SUMF1: variants seen among roughly 807,000 people sequenced by gnomAD.
SUMF1 encodes sulfatase modifying factor 1, also known as formylglycine-generating enzyme.
In SUMF1, 48 loss-of-function variants were observed where a neutral mutation model predicts 47.6. That is an observed-to-expected ratio of 1.01 (90% CI 0.80 to 1.28). SUMF1 has a LOEUF of 1.28. SUMF1 is among the 50% of genes most tolerant of loss of function. The pLI is 0.00. For synonymous variants in SUMF1, 230 were observed against 192.1 expected, an observed-to-expected ratio of 1.20 and a Z score of -1.63; for missense variants, 571 against 485.4, an observed-to-expected ratio of 1.18 and a Z score of -1.66.
At chr3:4,197,378 G>A (rs903699570) in intron 8 of SUMF1, among the ~76,000 whole-genome samples, 1 of 152,138 alleles carries the variant, frequency 6.6e-6, no homozygotes, top group Non-Finnish European at 1.5e-5. Flanking sequence ...TGGGATTACA[G>A]GTGTGAGCCA....
intron 8 of SUMF1, among the ~76,000 whole-genome samples, chr3:4,199,777 TG>T (rs1229580155): frequency 6.6e-6 from 1 of 152,134 alleles, no homozygotes; most frequent in Admixed American, 6.6e-5. Context: ...TCTTTTCTGG[TG>T]AAGTGTCTAG....
At chr3:4,331,335 T>C (rs1699048443) in intron 8 of SUMF1, among the ~76,000 whole-genome samples, 1 of 152,236 alleles carries the variant, frequency 6.6e-6, no homozygotes, top group Admixed American at 6.5e-5. Context: ...ACTTCCCTTA[T>C]ACACTTTCGA....
chr3:4,354,278 C>G (rs998835786), intron 8 of SUMF1, among the ~76,000 whole-genome samples: 1 of 152,208 alleles, frequency 6.6e-6, no homozygotes, highest in Non-Finnish European at 1.5e-5. Flanking sequence ...ACCCAAACAA[C>G]TATTCTCTAA....
At position 4,169,665 on chromosome 3, in the gene SUMF1, G is replaced by T. The variant is rs544017355; in HGVS notation, c.1015-100920C>A. On this transcript the variant is annotated intron_variant and NMD_transcript_variant, in intron 8 of 12. Transcript: ENST00000448413. ...GCCCTAACAAACTAATGCAATCACC[G>T]TTACCAATACCCCGTTTGGGGCTGA... is the stretch of plus-strand genomic sequence containing the variant. 2.6e-5 allele frequency among the ~76,000 whole-genome samples: 4 copies of T among 152,228 alleles called. No individual in the cohort carries two copies. The East Asian group carries it at 7.7e-4, about 29-fold the overall frequency.
At chr3:4,186,322 C>T (rs770902353) in intron 8 of SUMF1, among the ~76,000 whole-genome samples, 10 of 152,088 alleles carry the variant, frequency 6.6e-5, no homozygotes, top group Non-Finnish European at 1.3e-4. Flanking sequence ...ACTATTTTTC[C>T]ATTAAGACTC....
intron 8 of SUMF1, among the ~76,000 whole-genome samples, chr3:4,193,874 T>G (rs1367248627): frequency 6.6e-6 from 1 of 152,098 alleles, no homozygotes; most frequent in Non-Finnish European, 1.5e-5. Flanking sequence ...AATTAAGAAT[T>G]AGCCAATTCA....
intron 8 of SUMF1, chr3:4,316,770 C>A: frequency 3.9e-6 from 6 of 1,550,744 alleles, no homozygotes; most frequent in Non-Finnish European, 4.4e-6. Flanking sequence ...GCCAATCTTG[C>A]ACCCAAAAAA....
intron 8 of SUMF1, among the ~76,000 whole-genome samples, chr3:4,276,500 C>A (rs904743129): frequency 2.6e-5 from 4 of 152,076 alleles, no homozygotes; most frequent in African/African-American, 4.8e-5. Context: ...CTTTGAAAAT[C>A]ATTTGTACCA....
In SUMF1 at chr3:4,361,919, G is replaced by A. The variant is rs1176847532; in HGVS notation, c.*225C>T. The A allele has an allele frequency of 5.5e-6, 3 of 544,458 alleles. No individual in the cohort carries two copies. The highest frequency in any genetic ancestry group is 9.9e-6 in the Non-Finnish European group (3 of 301,580). The allele number at this position is 544,458 out of a possible 1,614,324, so 33.7% of individuals were successfully genotyped here. On this transcript the variant is annotated 3_prime_UTR_variant, in exon 9 of 9. Transcript: ENST00000272902. ...CCTTCCTCTTTAAAGACTCTCAAAA[G>A]TAAAATATGGTGATGATCTCCAAAG...
intron 9 of SUMF1, among the ~76,000 whole-genome samples, chr3:4,059,962 G>A (rs1489324938): frequency 6.6e-6 from 1 of 152,124 alleles, no homozygotes; most frequent in Non-Finnish European, 1.5e-5. Flanking sequence ...TACAGTTAAG[G>A]AACTGAAAGA....
intron 8 of SUMF1, among the ~76,000 whole-genome samples, chr3:4,125,424 C>T (rs1245766233): frequency 6.6e-6 from 1 of 152,136 alleles, no homozygotes; most frequent in Non-Finnish European, 1.5e-5. Flanking sequence ...ATGTTTCAGT[C>T]ATTCAACTGA....
intron 8 of SUMF1, among the ~76,000 whole-genome samples, chr3:4,176,927 C>A (rs1245413588): frequency 6.6e-6 from 1 of 152,004 alleles, no homozygotes; most frequent in Non-Finnish European, 1.5e-5. Flanking sequence ...CAACAAAGAT[C>A]AAAAGAGACA....
At chr3:4,425,895 G>T (rs1278242810) in intron 3 of SUMF1, among the ~76,000 whole-genome samples, 2 of 152,158 alleles carry the variant, frequency 1.3e-5, no homozygotes, top group African/African-American at 4.8e-5. Context: ...CAGGCAAGAG[G>T]GCAAGAGAGC....
intron 8 of SUMF1, among the ~76,000 whole-genome samples, chr3:4,296,826 C>T (rs1697863110): frequency 6.6e-6 from 1 of 152,082 alleles, no homozygotes; most frequent in South Asian, 2.1e-4. Flanking sequence ...AGTACCTTTC[C>T]TGGCTAAAAT....
In SUMF1 at chr3:4,420,063, C is replaced by T. The variant is rs143616931; in HGVS notation, c.602+1G>A. Reference sequence around the variant, plus strand: ...ACTGGGGAAAGAGGGACCAGCCTCACCTGTGCAGAATAGTAGAGTCAGGCC... The same window carrying T: ...ACTGGGGAAAGAGGGACCAGCCTCATCTGTGCAGAATAGTAGAGTCAGGCC... On this transcript the variant is annotated splice_donor_variant, in intron 4 of 8. Coordinates refer to ENST00000272902, the MANE Select transcript of SUMF1 (RefSeq NM_182760.4). LOFTEE classifies it high-confidence loss of function. 6.8e-6 allele frequency: 11 copies of T among 1,613,702 alleles called. No individual in the cohort carries two copies. The African/African-American group carries it at 1.3e-4, about 20-fold the overall frequency.
At chr3:4,171,868 G>T (rs572766741) in intron 8 of SUMF1, among the ~76,000 whole-genome samples, 1 of 152,120 alleles carries the variant, frequency 6.6e-6, no homozygotes, top group Non-Finnish European at 1.5e-5. Flanking sequence ...GTACCAGAAG[G>T]TGTAGAGAGG....
At chr3:4,057,985 A>C (rs576888653) in intron 9 of SUMF1, among the ~76,000 whole-genome samples, 1 of 152,276 alleles carries the variant, frequency 6.6e-6, no homozygotes, top group South Asian at 2.1e-4. Flanking sequence ...TAGAGTCTAG[A>C]TCTACCAACA....
At chr3:4,099,954 A>G (rs1475471843) in intron 8 of SUMF1, among the ~76,000 whole-genome samples, 1 of 151,892 alleles carries the variant, frequency 6.6e-6, no homozygotes, top group African/African-American at 2.4e-5. Context: ...ATAGAAAATG[A>G]CACAAATAAA....
intron 9 of SUMF1, among the ~76,000 whole-genome samples, chr3:4,035,711 T>C (rs1694780904): frequency 1.3e-5 from 2 of 152,200 alleles, no homozygotes; most frequent in South Asian, 4.1e-4. Context: ...CTGCTACTTA[T>C]TGGGCATAGA....
Sources: gnomAD v4.1 joint callset for allele counts (sites outside exome capture counted in the v4.1 genomes callset) on GRCh38, gnomAD v4.1.1 for gene constraint, MANE v1.5 for transcripts, NCBI Gene and HGNC (gene_info 2026-07-23, HGNC 2026-07-21) for gene names.